Variants in DBF4B observed in about 807,000 individuals in gnomAD.
DBF4B encodes protein DBF4 homolog B.
A neutral mutation model predicts 53.4 loss-of-function variants in DBF4B; 49 were observed. The observed-to-expected ratio is 0.92, with a 90% CI of 0.73 to 1.16. The LOEUF is 1.16. Among genes scored for constraint, DBF4B ranks in the 50% most tolerant of loss-of-function variants. The probability of loss-of-function intolerance (pLI) is 0.00; values close to 1 mark genes in which losing one functional copy is unlikely to be tolerated. For missense variants in DBF4B, 692 were observed against 775.0 expected (o/e 0.89, Z 1.27); for synonymous variants, 257 against 288.7 (o/e 0.89, Z 1.11).
intron 3 of DBF4B, among the ~76,000 whole-genome samples, 177 bp from the exon 4 acceptor site, chr17:44,729,710 ACACACACACACACACACC>A (rs1296242587): frequency 6.6e-6 from 1 of 150,976 alleles, no homozygotes; most frequent in African/African-American, 2.5e-5. Flanking sequence ...ACACACACAC[ACACACACACACACACACC>A]CCATTAGATT....
chr17:44,731,820 G>C, intron 5 of DBF4B: 1 of 208,208 alleles, frequency 4.8e-6, no homozygotes, highest in Middle Eastern at 1.9e-3. Flanking sequence ...TGCTCAGTGA[G>C]GATGATGGTC....
intron 9 of DBF4B, among the ~76,000 whole-genome samples, chr17:44,740,721 A>C (rs1017252631): frequency 6.6e-6 from 1 of 152,200 alleles, no homozygotes; most frequent in Non-Finnish European, 1.5e-5. Flanking sequence ...CTGCTTAACT[A>C]TTTGTGAGCC....
chr17:44,742,693 T>C (rs1976190017), intron 10 of DBF4B, among the ~76,000 whole-genome samples: 2 of 151,558 alleles, frequency 1.3e-5, no homozygotes, highest in South Asian at 4.2e-4. Flanking sequence ...AAGTTTAAAC[T>C]GGTTGGGCCA....
chr17:44,708,794 CG>C lies in DBF4B; in HGVS notation c.-25del. 1 of 1,550,168 alleles carries C rather than the reference CG, an allele frequency of 6.5e-7. No individual in the cohort carries two copies. The highest frequency in any genetic ancestry group is 8.7e-7 in the Non-Finnish European group (1 of 1,146,344). ...TACGGAGGCCTCTGAGGAAGGAGTA[CG>C]GAGGCCGAGAAGGAGCCGGCATTTG... On this transcript the variant is annotated 5_prime_UTR_variant, in exon 1 of 14. Coordinates refer to ENST00000315005, the MANE Select transcript of DBF4B (RefSeq NM_145663.3).
At chr17:44,741,712 C>T (rs901047701) in intron 10 of DBF4B, among the ~76,000 whole-genome samples, 5 of 152,124 alleles carry the variant, frequency 3.3e-5, no homozygotes, top group East Asian at 1.9e-4. Context: ...CCTTAAGGGT[C>T]GAAGAAGACC....
intron 3 of DBF4B, among the ~76,000 whole-genome samples, chr17:44,725,684 C>CTT (rs68091397): frequency 0.11 from 9,255 of 87,562 alleles, 1,109 homozygotes; most frequent in Middle Eastern, 0.16. Flanking sequence ...TTTTGTGCTT[C>CTT]TTTTTTTTTT....
chr17:44,743,245 G>T (rs778209892), intron 10 of DBF4B, among the ~76,000 whole-genome samples: 3 of 152,216 alleles, frequency 2.0e-5, no homozygotes, highest in Non-Finnish European at 2.9e-5. Context: ...CATGTGAGGC[G>T]CCTAGGCAGG....
At position 44,709,358 on chromosome 17, in the gene DBF4B, C is replaced by G. The variant is rs566915855; in HGVS notation, c.74C>G (p.Pro25Arg). Residue 25 changes from proline to arginine, a missense_variant, in exon 2 of 14, where the codon CCG (proline) becomes CGG (arginine). Pro to Arg is a moderately radical substitution (Grantham distance 103, BLOSUM62 -2). Around this residue, in one of 3 missense-constraint regions of DBF4B, gnomAD observed 66 missense variants for 51.3 expected, o/e 1.29. Transcript: ENST00000315005. Reference sequence around the variant, plus strand: ...ATGGCTGAGAGTAGGCTCCGGGCCCCGGACCTAGGTGGGTAACAGGACAGA... The same window carrying G: ...ATGGCTGAGAGTAGGCTCCGGGCCCGGGACCTAGGTGGGTAACAGGACAGA... ...SSMAESRLRA[P>R]DLGVSRCLGK... is the part of the protein sequence containing the mutation. 32 of 1,614,006 alleles carry G rather than the reference C, an allele frequency of 2.0e-5. No homozygotes were observed. The Admixed American group carries it at 5.2e-4, about 26-fold the overall frequency.
chr17:44,736,743 G>A (rs1259769587), intron 7 of DBF4B, 87 bp from the exon 8 acceptor site: 2 of 1,467,754 alleles, frequency 1.4e-6, no homozygotes, highest in Non-Finnish European at 1.9e-6. Context: ...AAGTGGGACA[G>A]ACTGGCAGCC....
chr17:44,710,235 G>A (rs908337204), intron 2 of DBF4B, among the ~76,000 whole-genome samples: 2 of 151,946 alleles, frequency 1.3e-5, no homozygotes, highest in Non-Finnish European at 2.9e-5. Flanking sequence ...ATATGCCATC[G>A]GCTTGTTGCC....
At chr17:44,717,409 C>G (rs538717962) in intron 2 of DBF4B, among the ~76,000 whole-genome samples, 4 of 151,996 alleles carry the variant, frequency 2.6e-5, no homozygotes, top group Admixed American at 2.6e-4. Flanking sequence ...AATAATAGTA[C>G]AATTAAAAAA....
Position 44,750,670 on chromosome 17 carries a change from A to G in DBF4B, c.1265A>G (p.His422Arg). The G allele has an allele frequency of 6.2e-7, 1 of 1,614,038 alleles. No homozygotes were observed. Among genetic ancestry groups the G allele is most frequent in the Non-Finnish European group, 8.5e-7 (1 of 1,180,038 alleles). Residue 422 changes from histidine (H) to arginine (R), a missense_variant, in exon 14 of 14, where the codon CAC becomes CGC. Physicochemically the swap from His to Arg is conservative, Grantham distance 29. Coordinates refer to ENST00000315005, the MANE Select transcript of DBF4B (RefSeq NM_145663.3). ...GGTGTGATGGGACCTCCTGCAAGTC[A>G]CACATGTGTGAGTGCCACAACCCTC... ...LDGVMGPPASHTCVSATTLLP... is the reference protein window; with the variant it reads ...LDGVMGPPASRTCVSATTLLP...
At chr17:44,715,532 C>T (rs1973247455) in intron 2 of DBF4B, among the ~76,000 whole-genome samples, 1 of 152,016 alleles carries the variant, frequency 6.6e-6, no homozygotes, top group Admixed American at 6.6e-5. Flanking sequence ...TTGCATCTGT[C>T]TTTCATTCTG....
intron 3 of DBF4B, among the ~76,000 whole-genome samples, 200 bp from the exon 4 acceptor site, chr17:44,729,683 TACACACACACACACACACACAC>T (rs71361592): frequency 1.6e-4 from 22 of 138,256 alleles, no homozygotes; most frequent in African/African-American, 5.7e-4. Context: ...GTAATACACA[TACACACACACACACACACACAC>T]ACACACACAC....
Position 44,748,811 on chromosome 17 carries a change from C to G in DBF4B, c.1189+346C>G, listed in dbSNP as rs1397566138. ...CCCAACCCCTGCGGCACCAGGACAA[C>G]TAGTGGCAAGCGTCTTCCCTCTCTT... On this transcript the variant is annotated intron_variant, in intron 13 of 13. Coordinates refer to ENST00000315005, the MANE Select transcript of DBF4B (RefSeq NM_145663.3). 2.3e-6 allele frequency: 3 copies of G among 1,299,204 alleles called. No individual in the cohort carries two copies. In the East Asian group the frequency reaches 1.6e-4, roughly 70 times the overall value. The allele number at this position is 1,299,204 out of a possible 1,614,324, so 80.5% of individuals were successfully genotyped here. A position where few individuals can be genotyped will look rare whatever the true frequency, so the allele number is the denominator to read the frequency against.
rs766041979 is a variant in DBF4B at position 44,741,425 on chromosome 17, C to A, written c.803C>A (p.Thr268Lys). 1.9e-6 allele frequency: 3 copies of A among 1,612,330 alleles called. No individual in the cohort carries two copies. The highest frequency in any genetic ancestry group is 2.5e-6 in the Non-Finnish European group (3 of 1,178,994). The change falls in exon 10 of 14, where the codon ACG (threonine) becomes AAG (lysine). Residue 268 changes from threonine (T) to lysine (K), a missense_variant. Coordinates refer to ENST00000315005, the MANE Select transcript of DBF4B (RefSeq NM_145663.3). ...GATGCAAGTCCCTTTGAGGCCCCGA[C>A]GACCCTGGGCAGCATGCACCATACC... Reference protein sequence around the residue: ...PKDASPFEAPTTLGSMHHTRE... With the variant: ...PKDASPFEAPKTLGSMHHTRE...
In DBF4B at chr17:44,722,932, G is replaced by A. The variant is rs375124915; in HGVS notation, c.135G>A (p.Lys45=). ...AGAAGAACTCACCAGGTGCCAGGAA[G>A]CATCCCTTTTCCGGAAAGTCCTTTT... ...KCQKNSPGAR[K]HPFSGKSFYL... The change falls in exon 3 of 14, where the codon AAG becomes AAA. Residue 45 remains lysine (K), a synonymous_variant. Transcript: ENST00000315005. 2.0e-5 allele frequency: 33 copies of A among 1,614,086 alleles called. No individual in the cohort carries two copies. Among genetic ancestry groups the A allele is most frequent in the Non-Finnish European group, 2.6e-5 (31 of 1,180,050 alleles).
intron 8 of DBF4B, 143 bp downstream of exon 8, chr17:44,737,009 G>C: frequency 9.9e-7 from 1 of 1,009,354 alleles, no homozygotes. Flanking sequence ...TGTTTCCAGG[G>C]CCTGGTCCTC....
At chr17:44,720,046 T>A in intron 2 of DBF4B, 1 of 236,808 alleles carries the variant, frequency 4.2e-6, no homozygotes, top group South Asian at 7.4e-5. Flanking sequence ...GACAAATTTC[T>A]GGTGTGTTCT....
Sources: gnomAD v4.1 joint callset for allele counts (sites outside exome capture counted in the v4.1 genomes callset) on GRCh38, gnomAD v4.1.1 for gene constraint, gnomAD v4.1.1 regional missense constraint, MANE v1.5 for transcripts, NCBI Gene and HGNC (gene_info 2026-07-23, HGNC 2026-07-21) for gene names.